HDAC8: variants seen among roughly 807,000 people sequenced by gnomAD.
HDAC8 encodes the protein histone deacetylase-like 1.
HDAC8 carries 1 observed loss-of-function variant against 32.2 expected under a neutral mutation model. That is an observed-to-expected ratio of 0.03 (90% CI 0.01 to 0.15). The LOEUF is 0.15. Ranked by LOEUF, HDAC8 falls within the 10% of genes least tolerant of loss-of-function variation. HDAC8 has a pLI of 1.00. For missense variants in HDAC8, 117 were observed against 300.0 expected, an observed-to-expected ratio of 0.39 and a Z score of 4.51; for synonymous variants, 108 against 113.9, an observed-to-expected ratio of 0.95 and a Z score of 0.33.
intron 9 of HDAC8, among the ~76,000 whole-genome samples, chrX:72,395,169 G>C (rs782129662): frequency 8.9e-6 from 1 of 112,659 alleles, no homozygotes; most frequent in African/African-American, 3.2e-5. Flanking sequence ...AGAAGGAAAG[G>C]GTGATTATCT....
intron 7 of HDAC8, among the ~76,000 whole-genome samples, chrX:72,481,109 T>C (rs1297453755): frequency 1.8e-5 from 2 of 110,013 alleles, no homozygotes; most frequent in Non-Finnish European, 3.8e-5. Context: ...TCTGCAGGGC[T>C]GGGGAAGCCT....
chrX:72,368,385 TCTCA>T (rs2044765429), intron 9 of HDAC8, among the ~76,000 whole-genome samples: 1 of 96,266 alleles, frequency 1.0e-5, no homozygotes, highest in African/African-American at 4.0e-5. Flanking sequence ...TGAGATGGAG[TCTCA>T]CTCTGTCGCC....
At chrX:72,426,941 A>G (rs1214149404) in intron 9 of HDAC8, among the ~76,000 whole-genome samples, 1 of 110,056 alleles carries the variant, frequency 9.1e-6, no homozygotes, top group Non-Finnish European at 1.9e-5. Flanking sequence ...CTCTGCACAC[A>G]TTAAGTGGAA....
At chrX:72,567,539 C>T in intron 4 of HDAC8, 2 of 428,228 alleles carry the variant, frequency 4.7e-6, no homozygotes, top group South Asian at 7.9e-5. Flanking sequence ...CCCTCGAAGA[C>T]AGGGGAATTT....
chrX:72,366,806 G>A (rs1269297015), intron 9 of HDAC8, among the ~76,000 whole-genome samples: 1 of 111,212 alleles, frequency 9.0e-6, no homozygotes, highest in African/African-American at 3.3e-5. Context: ...CGGCTCTAGT[G>A]ACATCATGAA....
intron 4 of HDAC8, among the ~76,000 whole-genome samples, chrX:72,542,062 C>A (rs1029208137): frequency 8.9e-6 from 1 of 111,912 alleles, no homozygotes; most frequent in Non-Finnish European, 1.9e-5. Context: ...CTTCTCTTCA[C>A]CCCCAACAGC....
At chrX:72,508,537 C>T (rs868934428) in intron 4 of HDAC8, among the ~76,000 whole-genome samples, 36 of 112,580 alleles carry the variant, frequency 3.2e-4, no homozygotes, top group African/African-American at 1.1e-3. Flanking sequence ...CTCCAAAACT[C>T]GTGTTGAAAC....
chrX:72,572,470 G>C, intron 1 of HDAC8, 181 bp downstream of exon 1: 1 of 422,905 alleles, frequency 2.4e-6, no homozygotes, highest in East Asian at 3.9e-5. Context: ...GACATGCTGC[G>C]CTCTCAGAAA....
At chrX:72,455,713 C>CT (rs1191084319) in intron 9 of HDAC8, among the ~76,000 whole-genome samples, 2 of 111,935 alleles carry the variant, frequency 1.8e-5, no homozygotes, top group East Asian at 2.8e-4. Flanking sequence ...AATACTTAAG[C>CT]TTTTTTTCCA....
chrX:72,360,076 T>G (rs1335274464), intron 9 of HDAC8, among the ~76,000 whole-genome samples: 1 of 89,821 alleles, frequency 1.1e-5, no homozygotes, highest in Non-Finnish European at 2.1e-5. Flanking sequence ...AAAAAAAAAG[T>G]CTGGGCGTGG....
At chrX:72,484,649 C>T (rs1371858750) in intron 7 of HDAC8, among the ~76,000 whole-genome samples, 1 of 111,743 alleles carries the variant, frequency 8.9e-6, no homozygotes, top group Non-Finnish European at 1.9e-5. Flanking sequence ...GAAGTATTGG[C>T]ACAATTCTAA....
intron 9 of HDAC8, among the ~76,000 whole-genome samples, chrX:72,365,201 C>G (rs1184996861): frequency 8.9e-6 from 1 of 111,847 alleles, no homozygotes. Flanking sequence ...CCTTTGCACA[C>G]CATGTTGGTT....
intron 9 of HDAC8, among the ~76,000 whole-genome samples, chrX:72,444,470 T>C: frequency 9.0e-6 from 1 of 111,217 alleles, no homozygotes. Flanking sequence ...GAAAAGGCCT[T>C]TGACATAATT....
chrX:72,382,997 G>T (rs983460390), intron 9 of HDAC8, among the ~76,000 whole-genome samples: 3 of 111,949 alleles, frequency 2.7e-5, no homozygotes, highest in South Asian at 7.5e-4. Flanking sequence ...TTGCTATTTC[G>T]TATTCTACTT....
At chrX:72,498,202 T>G (rs1225205002) in intron 4 of HDAC8, among the ~76,000 whole-genome samples, 3 of 110,383 alleles carry the variant, frequency 2.7e-5, no homozygotes, top group African/African-American at 9.9e-5. Context: ...TCTTTCACCT[T>G]ATTGAAAGAG....
chrX:72,519,221 T>G (rs1422763131), intron 4 of HDAC8, among the ~76,000 whole-genome samples: 3 of 112,421 alleles, frequency 2.7e-5, no homozygotes, highest in African/African-American at 6.5e-5. Context: ...TGATGGTCAT[T>G]TGGGTTGTTC....
intron 9 of HDAC8, among the ~76,000 whole-genome samples, chrX:72,369,730 C>A (rs1349514651): frequency 1.8e-5 from 2 of 112,721 alleles, no homozygotes; most frequent in Admixed American, 9.3e-5. Flanking sequence ...GCTGTGCCTA[C>A]TGGAGCAATT....
chrX:72,373,613 T>C (rs1195531461), intron 9 of HDAC8, among the ~76,000 whole-genome samples: 1 of 112,591 alleles, frequency 8.9e-6, no homozygotes, highest in African/African-American at 3.2e-5. Flanking sequence ...TATCAGTTGA[T>C]GGACATTTGG....
intron 8 of HDAC8, 107 bp from the exon 9 acceptor site, chrX:72,462,205 C>G: frequency 1.6e-6 from 1 of 606,090 alleles, no homozygotes; most frequent in South Asian, 2.8e-5. Flanking sequence ...AAGACAACCT[C>G]AAATTGCAGA....
Sources: gnomAD v4.1 joint callset for allele counts (sites outside exome capture counted in the v4.1 genomes callset) on GRCh38, gnomAD v4.1.1 for gene constraint, MANE v1.5 for transcripts, NCBI Gene and HGNC (gene_info 2026-07-23, HGNC 2026-07-21) for gene names.